DDX52: variants seen among roughly 807,000 people sequenced by gnomAD.
The protein encoded by DDX52 is DExD-box helicase 52.
Under a neutral mutation model 76.1 loss-of-function variants are expected in DDX52, and 59 were observed. The observed-to-expected ratio is 0.78, with a 90% CI of 0.63 to 0.96. The LOEUF (loss-of-function observed/expected upper bound fraction) is 0.96, where lower values mean the gene tolerates loss of function less well. DDX52 is among the 40% of genes least tolerant of loss of function. DDX52 has a pLI of 0.00. For synonymous variants in DDX52, 231 were observed against 244.1 expected (o/e 0.95, Z 0.50); for missense variants, 707 against 703.9 (o/e 1.00, Z -0.05).
rs577376706 is a variant in DDX52 at position 37,639,450 on chromosome 17, A to G, written c.286+2660T>C. On this transcript the variant is annotated intron_variant, in intron 2 of 14. Transcript: ENST00000617633. ...CAATTTTCCAGTTAAAAATAGATAC[A>G]TGCCTGGCTGGGCGTGGTGGCTCAC... The G allele has an allele frequency of 1.9e-4, 190 of 996,090 alleles. 1 individual carries two copies. In the East Asian group the frequency reaches 0.019, roughly 99 times the overall value. 61.7% of individuals were successfully genotyped at this position (996,090 alleles called of 1,614,324 possible).
chr17:37,616,387 T>C (rs750620782), intron 14 of DDX52, among the ~76,000 whole-genome samples: 24 of 152,196 alleles, frequency 1.6e-4, no homozygotes, highest in Non-Finnish European at 2.9e-4. Flanking sequence ...GGCTCACACT[T>C]GTAATCCCAG....
In DDX52 at chr17:37,609,803, GAT is replaced by G. The variant is rs1287517618; in HGVS notation, c.*4491_*4492del. 1 of 156,044 alleles carries G rather than the reference GAT, an allele frequency of 6.4e-6. No homozygotes were observed. Among genetic ancestry groups the G allele is most frequent in the African/African-American group, 2.4e-5 (1 of 41,622 alleles). The allele number at this position is 156,044 out of a possible 1,614,324, so 9.7% of individuals were successfully genotyped here. On this transcript the variant is annotated 3_prime_UTR_variant, in exon 15 of 15. Coordinates refer to ENST00000617633, the MANE Select transcript of DDX52 (RefSeq NM_007010.5). ...TGTTACTCTTTACACACAAAGAACAGATAGGTCCTGAAGGGCCCTTTGATAGT... is the reference window on the plus strand; with the variant it reads ...TGTTACTCTTTACACACAAAGAACAGAGGTCCTGAAGGGCCCTTTGATAGT...
chr17:37,626,644 T>A (rs2030389224), intron 7 of DDX52, 144 bp downstream of exon 7: 11 of 752,626 alleles, frequency 1.5e-5, no homozygotes, highest in South Asian at 1.0e-4. Context: ...TGAATTTTTT[T>A]AAAAAACCAT....
Position 37,625,912 on chromosome 17 carries a change from ACTGATGACATTGTCCAGGTTGAGTTT to A in DDX52, c.1093_1118del (p.Lys365CysfsTer23), listed in dbSNP as rs1239722450. 6.2e-7 allele frequency: 1 copy of A among 1,613,956 alleles called. No homozygotes were observed. Among genetic ancestry groups the A allele is most frequent in the East Asian group, 2.2e-5 (1 of 44,896 alleles). On this transcript the variant is annotated frameshift_variant, in exon 8 of 15. Transcript: ENST00000617633. LOFTEE classifies it high-confidence loss of function. ...TTAAATACCTTGCTCCAATGGACAC[ACTGATGACATTGTCCAGGTTGAGTTT>A]GCACCACTGTTCAACATCATATGCA... is the stretch of plus-strand genomic sequence containing the variant.
Position 37,612,891 on chromosome 17 carries a change from C to T in DDX52, c.*1405G>A, listed in dbSNP as rs1415052369. 1.3e-5 allele frequency: 2 copies of T among 152,068 alleles called. No individual in the cohort carries two copies. The highest frequency in any genetic ancestry group is 4.8e-5 in the African/African-American group (2 of 41,390). The allele number at this position is 152,068 out of a possible 1,614,324, so 9.4% of individuals were successfully genotyped here. A position where few individuals can be genotyped will look rare whatever the true frequency, so the allele number is the denominator to read the frequency against. On this transcript the variant is annotated 3_prime_UTR_variant, in exon 15 of 15. Coordinates refer to ENST00000617633, the MANE Select transcript of DDX52 (RefSeq NM_007010.5). ...ATGGGTTGCACCAGTATACCTACCTCCAGAATATATATTGGGTAAAGGATC... is the reference window on the plus strand; with the variant it reads ...ATGGGTTGCACCAGTATACCTACCTTCAGAATATATATTGGGTAAAGGATC...
chr17:37,633,561 G>T, intron 2 of DDX52, 143 bp from the exon 3 acceptor site: 1 of 494,644 alleles, frequency 2.0e-6, no homozygotes, highest in Non-Finnish European at 3.0e-6. Context: ...GAGGCTGAGT[G>T]GGGAGGATCA....
At chr17:37,622,166 A>ATTT (rs1018717168) in intron 9 of DDX52, among the ~76,000 whole-genome samples, 1 of 150,502 alleles carries the variant, frequency 6.6e-6, no homozygotes, top group African/African-American at 2.4e-5. Flanking sequence ...CTAAGTAAAC[A>ATTT]TTTTTTTTTT....
chr17:37,620,446 A>G (rs987270867), intron 12 of DDX52: 3 of 167,608 alleles, frequency 1.8e-5, no homozygotes, highest in African/African-American at 7.2e-5. Flanking sequence ...AAGCTCAGAA[A>G]GCACAACCAA....
At position 37,627,437 on chromosome 17, in the gene DDX52, G is replaced by T. The variant is rs9904159; in HGVS notation, c.860-577C>A. The stretch of plus-strand genomic sequence containing the variant: ...TTTTACTTTTATTTTTGTAGAAACA[G>T]GGTCTCCCTATGCTGTCCAGGCTGG... On this transcript the variant is annotated intron_variant, in intron 6 of 14. Coordinates refer to ENST00000617633, the MANE Select transcript of DDX52 (RefSeq NM_007010.5). 9.3e-3 allele frequency among the ~76,000 whole-genome samples: 1,414 copies of T among 152,090 alleles called. 23 individuals carry two copies. The highest frequency in any genetic ancestry group is 0.032 in the African/African-American group (1,341 of 41,506).
chr17:37,621,936 G>T (rs2030119475), intron 9 of DDX52, among the ~76,000 whole-genome samples: 1 of 152,096 alleles, frequency 6.6e-6, no homozygotes, highest in Non-Finnish European at 1.5e-5. Flanking sequence ...TAGGGGTACA[G>T]GTGCATTTGT....
chr17:37,642,019 C>T, intron 2 of DDX52, 91 bp downstream of exon 2: 1 of 1,519,138 alleles, frequency 6.6e-7, no homozygotes, highest in Non-Finnish European at 9.0e-7. Context: ...GACAAATGAC[C>T]TTATTGTCTG....
intron 8 of DDX52, among the ~76,000 whole-genome samples, chr17:37,624,918 C>T (rs1598756757): frequency 6.6e-6 from 1 of 151,886 alleles, no homozygotes; most frequent in South Asian, 2.1e-4. Context: ...TTATTTTTAT[C>T]TAAATATATT....
rs753555026 is a variant in DDX52 at position 37,626,826 on chromosome 17, ATAGAT to A, written c.889_893del (p.Ile297PhefsTer15). ...TTCCGGGGGGATCTTGCTTTAATAA[ATAGAT>A]TAGTCGATTTGGAGTAGTCACAAGA... On this transcript the variant is annotated frameshift_variant, in exon 7 of 15. Coordinates refer to ENST00000617633, the MANE Select transcript of DDX52 (RefSeq NM_007010.5). LOFTEE classifies it high-confidence loss of function. The A allele has an allele frequency of 6.2e-7, 1 of 1,612,112 alleles. No individual in the cohort carries two copies. Among genetic ancestry groups the A allele is most frequent in the Non-Finnish European group, 8.5e-7 (1 of 1,179,458 alleles).
At chr17:37,635,725 T>C in intron 2 of DDX52, 1 of 428,610 alleles carries the variant, frequency 2.3e-6, no homozygotes, top group Non-Finnish European at 4.6e-6. Context: ...ATATTCCAAG[T>C]GGAATAGCTG....
intron 2 of DDX52, among the ~76,000 whole-genome samples, chr17:37,636,450 A>G (rs2030931343): frequency 6.6e-6 from 1 of 152,224 alleles, no homozygotes; most frequent in South Asian, 2.1e-4. Context: ...GGGTCTTCAA[A>G]AAGTTCATGG....
At position 37,631,927 on chromosome 17, in the gene DDX52, C is replaced by T. The variant is rs138828703; in HGVS notation, c.603+186G>A. ...AAGGGTACTAGAAAAGGAAGAAGAT[C>T]ACATCTAGATGGAGTGATCAAGACA... On this transcript the variant is annotated intron_variant, in intron 4 of 14. Coordinates refer to ENST00000617633, the MANE Select transcript of DDX52 (RefSeq NM_007010.5). 6.2e-5 allele frequency: 41 copies of T among 658,200 alleles called. No homozygotes were observed. The East Asian group carries it at 1.1e-3, about 18-fold the overall frequency. 40.8% of individuals were successfully genotyped at this position (658,200 alleles called of 1,614,324 possible).
chr17:37,636,268 C>T (rs1331011094), intron 2 of DDX52, among the ~76,000 whole-genome samples: 1 of 152,074 alleles, frequency 6.6e-6, no homozygotes, highest in East Asian at 1.9e-4. Flanking sequence ...TTTTTGCTTA[C>T]AATATAAAGT....
chr17:37,624,483 T>C (rs768483086), intron 8 of DDX52, 49 bp from the exon 9 acceptor site: 64 of 1,462,932 alleles, frequency 4.4e-5, no homozygotes, highest in Middle Eastern at 3.6e-4. Context: ...TTTTTGCTTT[T>C]TCCCCTGAAC....
At chr17:37,631,396 A>G (rs2030675918) in intron 4 of DDX52, 1 of 152,292 alleles carries the variant, frequency 6.6e-6, no homozygotes. Flanking sequence ...TTCCACTCAT[A>G]TAAAACTCTA....
Sources: gnomAD v4.1 joint callset for allele counts (sites outside exome capture counted in the v4.1 genomes callset) on GRCh38, gnomAD v4.1.1 for gene constraint, MANE v1.5 for transcripts, NCBI Gene and HGNC (gene_info 2026-07-23, HGNC 2026-07-21) for gene names.